PTPRB: variants seen among roughly 807,000 people sequenced by gnomAD.
PTPRB encodes the protein receptor-type tyrosine-protein phosphatase beta.
A neutral mutation model predicts 238.1 loss-of-function variants in PTPRB; 97 were observed. The ratio of observed to expected loss-of-function variants is 0.41; its 90% CI spans 0.35 to 0.48. The LOEUF (loss-of-function observed/expected upper bound fraction) is 0.48. PTPRB is among the 20% of genes least tolerant of loss of function. PTPRB has a pLI of 0.30. For synonymous variants in PTPRB, 970 were observed against 995.4 expected, an observed-to-expected ratio of 0.97 and a Z score of 0.48; for missense variants, 2,292 against 2,681.9, an observed-to-expected ratio of 0.85 and a Z score of 3.21.
rs377266305 is a variant in PTPRB at position 70,571,129 on chromosome 12, G to A, written c.3267C>T (p.Thr1089=). ...FPPFHLVNTA[T]EYRFTSLTPG... is the part of the protein sequence containing the mutation. ...GTGTTAGGGAAGTAAATCGATACTC[G>A]GTTGCGGTATTTACAAGGTGAAAAG... The change falls in exon 13 of 34, where the codon ACC becomes ACT. Residue 1089 remains threonine, a synonymous_variant. Coordinates refer to ENST00000334414, the MANE Select transcript of PTPRB (RefSeq NM_001109754.4). The A allele has an allele frequency of 1.7e-5, 27 of 1,613,900 alleles. No homozygotes were observed. The East Asian group carries it at 2.5e-4, about 15-fold the overall frequency.
At chr12:70,601,294 C>T (rs528281059) in intron 4 of PTPRB, among the ~76,000 whole-genome samples, 1 of 152,314 alleles carries the variant, frequency 6.6e-6, no homozygotes, top group Non-Finnish European at 1.5e-5. Context: ...AACCACCACG[C>T]CCCGCCTCTT....
Position 70,536,024 on chromosome 12 carries a change from C to T in PTPRB, c.6081+1G>A. On this transcript the variant is annotated splice_donor_variant, in intron 29 of 33. Transcript: ENST00000334414. LOFTEE classifies it high-confidence loss of function. ...TGATGCCAGGAAGGCTGTTTACTCA[C>T]TCGGCCCTTCTCAACACACTGGGTC... 1 of 1,612,770 alleles carries T rather than the reference C, an allele frequency of 6.2e-7. No individual in the cohort carries two copies. The highest frequency in any genetic ancestry group is 2.2e-5 in the East Asian group (1 of 44,876).
chr12:70,604,276 A>C (rs549856706), intron 4 of PTPRB, among the ~76,000 whole-genome samples: 1 of 152,324 alleles, frequency 6.6e-6, no homozygotes, highest in South Asian at 2.1e-4. Context: ...ATTTTAAAGA[A>C]GCACAAAACA....
At chr12:70,623,883 C>A (rs1885056287) in intron 2 of PTPRB, among the ~76,000 whole-genome samples, 1 of 152,040 alleles carries the variant, frequency 6.6e-6, no homozygotes, top group African/African-American at 2.4e-5. Flanking sequence ...CCTTTCCATT[C>A]CAATTTCAAC....
chr12:70,585,815 G>A (rs1881848182), intron 9 of PTPRB, among the ~76,000 whole-genome samples: 1 of 148,038 alleles, frequency 6.8e-6, no homozygotes, highest in Non-Finnish European at 1.5e-5. Flanking sequence ...CCCCACAACA[G>A]GCCCCGGTGT....
At chr12:70,585,627 T>C (rs1881825645) in intron 9 of PTPRB, among the ~76,000 whole-genome samples, 1 of 151,970 alleles carries the variant, frequency 6.6e-6, no homozygotes, top group Admixed American at 6.5e-5. Context: ...CCTTCCACCA[T>C]GATTTTTAAA....
intron 18 of PTPRB, among the ~76,000 whole-genome samples, chr12:70,557,185 AAAG>A (rs1240691670): frequency 6.6e-6 from 1 of 152,164 alleles, no homozygotes; most frequent in African/African-American, 2.4e-5. Context: ...CCCAGGTACC[AAAG>A]GAGGAGGTGC....
intron 9 of PTPRB, among the ~76,000 whole-genome samples, chr12:70,586,665 C>G (rs142435358): frequency 6.6e-6 from 1 of 152,316 alleles, no homozygotes; most frequent in East Asian, 1.9e-4. Flanking sequence ...ATAAAACATG[C>G]TGTTATTTCT....
chr12:70,538,756 TG>T, intron 27 of PTPRB, 167 bp downstream of exon 27: 1 of 620,032 alleles, frequency 1.6e-6, no homozygotes, highest in Non-Finnish European at 2.8e-6. Context: ...ATTATCCCTC[TG>T]GAGGGAAGTG....
intron 21 of PTPRB, among the ~76,000 whole-genome samples, chr12:70,549,920 C>T (rs1356148671): frequency 1.3e-5 from 2 of 152,224 alleles, no homozygotes; most frequent in African/African-American, 4.8e-5. Context: ...CATCTTGGCT[C>T]ATTCCCGTAT....
intron 15 of PTPRB, 95 bp from the exon 16 acceptor site, chr12:70,563,202 G>C: frequency 8.4e-7 from 1 of 1,194,170 alleles, no homozygotes; most frequent in Non-Finnish European, 1.2e-6. Flanking sequence ...GAAAGAGGAA[G>C]TTGGATTCAG....
intron 15 of PTPRB, among the ~76,000 whole-genome samples, chr12:70,563,993 T>A (rs1381262921): frequency 6.6e-6 from 1 of 152,164 alleles, no homozygotes; most frequent in Non-Finnish European, 1.5e-5. Flanking sequence ...CCCCATTACC[T>A]GTCCATCTGC....
intron 29 of PTPRB, 149 bp from the exon 30 acceptor site, chr12:70,535,104 C>A: frequency 2.3e-6 from 2 of 883,934 alleles, no homozygotes; most frequent in Non-Finnish European, 3.3e-6. Flanking sequence ...TTAACCTTCT[C>A]ATGGCCAGTG....
At chr12:70,544,533 A>T in intron 22 of PTPRB, 24 bp downstream of exon 22, 1 of 1,505,400 alleles carries the variant, frequency 6.6e-7, no homozygotes, top group Non-Finnish European at 9.2e-7. Context: ...AGTTGGTAGA[A>T]CATGATGTAA....
At chr12:70,601,941 C>A (rs1566000544) in intron 4 of PTPRB, among the ~76,000 whole-genome samples, 2 of 149,192 alleles carry the variant, frequency 1.3e-5, no homozygotes. Flanking sequence ...CAGGCGCCCG[C>A]CACCACGCCC....
At chr12:70,548,022 T>C (rs945478078) in intron 21 of PTPRB, among the ~76,000 whole-genome samples, 1 of 152,070 alleles carries the variant, frequency 6.6e-6, no homozygotes, top group Non-Finnish European at 1.5e-5. Flanking sequence ...TGGCTTAATT[T>C]TTGGTTAAAA....
intron 14 of PTPRB, among the ~76,000 whole-genome samples, chr12:70,568,843 C>G (rs575201177): frequency 6.6e-6 from 1 of 152,074 alleles, no homozygotes; most frequent in Non-Finnish European, 1.5e-5. Flanking sequence ...ATATACGTAT[C>G]CTTGATACTG....
chr12:70,590,005 C>A lies in PTPRB; in HGVS notation c.2009G>T (p.Ser670Ile). 1 of 1,614,016 alleles carries A rather than the reference C, an allele frequency of 6.2e-7. No individual in the cohort carries two copies. The highest frequency in any genetic ancestry group is 8.5e-7 in the Non-Finnish European group (1 of 1,179,880). The change falls in exon 8 of 34, where the codon AGT (serine) becomes ATT (isoleucine). Residue 670 changes from serine to isoleucine, a missense_variant. This residue lies in a region of PTPRB where 1,205 missense variants were observed against 1,287.8 expected (regional missense o/e 0.94). Coordinates refer to ENST00000334414, the MANE Select transcript of PTPRB (RefSeq NM_001109754.4). Reference sequence around the variant, plus strand: ...ACGCTCAGAATTCTTCAAATTTCCACTCTCAACAATGACTTCCACCTCATA... The same window carrying A: ...ACGCTCAGAATTCTTCAAATTTCCAATCTCAACAATGACTTCCACCTCATA... ...RQYEVEVIVE[S>I]GNLKNSERCQ...
chr12:70,524,821 A>G (rs375550919), intron 32 of PTPRB, among the ~76,000 whole-genome samples: 48 of 151,714 alleles, frequency 3.2e-4, no homozygotes, highest in Non-Finnish European at 6.0e-4. Flanking sequence ...TTATATATAT[A>G]TGTGTGTGTG....
Sources: allele counts gnomAD v4.1 joint callset (sites outside exome capture counted in the v4.1 genomes callset), GRCh38; gene constraint gnomAD v4.1.1; regional missense constraint gnomAD v4.1.1; transcripts MANE v1.5; gene names NCBI Gene and HGNC (gene_info 2026-07-23, HGNC 2026-07-21).